Variants in STARD7 observed in about 807,000 individuals in gnomAD.
STARD7 encodes the protein stAR-related lipid transfer protein 7, mitochondrial.
A neutral mutation model predicts 45.3 loss-of-function variants in STARD7; 30 were observed. The ratio of observed to expected loss-of-function variants is 0.66; its 90% CI spans 0.50 to 0.90. The LOEUF (loss-of-function observed/expected upper bound fraction) is 0.90. Ranked by LOEUF, STARD7 falls within the 40% of genes least tolerant of loss-of-function variation. The pLI, the probability that STARD7 is intolerant of heterozygous loss-of-function variation, is 0.00. For synonymous variants in STARD7, 199 were observed against 183.0 expected (o/e 1.09, Z -0.70); for missense variants, 495 against 491.3 (o/e 1.01, Z -0.07).
intron 6 of STARD7, among the ~76,000 whole-genome samples, chr2:96,189,267 T>C (rs1366029045): frequency 6.6e-6 from 1 of 152,150 alleles, no homozygotes; most frequent in Non-Finnish European, 1.5e-5. Flanking sequence ...AAATTTCTAA[T>C]GGCCTTCCTA....
chr2:96,201,409 T>TTAAAAAAAAAA lies in STARD7; in HGVS notation c.291-5861_291-5860insTTTTTTTTTTA, dbSNP rs767370060. ...TGGGCAACATGCAAAACTCCACCTC[T>TTAAAAAAAAAA]AAAAAAAAAAAAAAAAAATTACACA... is the stretch of plus-strand genomic sequence containing the variant. On this transcript the variant is annotated intron_variant, in intron 1 of 7. Coordinates refer to ENST00000337288, the MANE Select transcript of STARD7 (RefSeq NM_020151.4). Among the ~76,000 whole-genome samples, 31 of 109,582 alleles carry TTAAAAAAAAAA rather than the reference T, an allele frequency of 2.8e-4. No individual in the cohort carries two copies. The Admixed American group carries it at 3.2e-3, about 11-fold the overall frequency. The allele number at this position is 109,582 out of a possible 152,430, so 71.9% of individuals were successfully genotyped here.
intron 1 of STARD7, among the ~76,000 whole-genome samples, chr2:96,196,066 T>TTG (rs1683199215): frequency 1.4e-5 from 2 of 141,954 alleles, no homozygotes; most frequent in Non-Finnish European, 3.0e-5. Context: ...TAAGCCGAGA[T>TTG]CACGCCACTG....
chr2:96,188,670 G>C (rs1171520158), intron 6 of STARD7, among the ~76,000 whole-genome samples: 1 of 151,668 alleles, frequency 6.6e-6, no homozygotes, highest in Non-Finnish European at 1.5e-5. Context: ...GATCACCTGA[G>C]GTCAGGAGTT....
chr2:96,196,188 G>A (rs1204704328), intron 1 of STARD7, among the ~76,000 whole-genome samples: 1 of 151,960 alleles, frequency 6.6e-6, no homozygotes, highest in African/African-American at 2.4e-5. Context: ...TCTATGGCCA[G>A]GCACAGAGGC....
In STARD7 at chr2:96,203,689, G is replaced by A. The variant is rs528651443; in HGVS notation, c.290+4456C>T. Among the ~76,000 whole-genome samples the A allele has an allele frequency of 9.2e-5, 14 of 152,306 alleles. No homozygotes were observed. The East Asian group carries it at 1.3e-3, about 15-fold the overall frequency. ...GAAATAAAAGACATAGGAGTCAGGC[G>A]CAGTGGCTTATGCCTGTAATCCCAG... On this transcript the variant is annotated intron_variant, in intron 1 of 7. Transcript: ENST00000337288.
intron 1 of STARD7, among the ~76,000 whole-genome samples, chr2:96,202,309 T>G (rs1683319322): frequency 6.6e-6 from 1 of 152,168 alleles, no homozygotes; most frequent in East Asian, 1.9e-4. Flanking sequence ...CTGCTCTAAG[T>G]AGATTATTCC....
At chr2:96,205,519 T>C (rs909042319) in intron 1 of STARD7, among the ~76,000 whole-genome samples, 5 of 152,170 alleles carry the variant, frequency 3.3e-5, no homozygotes, top group African/African-American at 1.2e-4. Context: ...ATCATGCTCT[T>C]TTTCCATTAA....
intron 1 of STARD7, among the ~76,000 whole-genome samples, chr2:96,203,341 A>G (rs956635393): frequency 4.6e-5 from 7 of 152,274 alleles, no homozygotes; most frequent in African/African-American, 1.4e-4. Context: ...AGCAGATTAG[A>G]AAAAGGATCA....
intron 6 of STARD7, among the ~76,000 whole-genome samples, chr2:96,189,231 G>A (rs1270884024): frequency 1.3e-5 from 2 of 152,166 alleles, no homozygotes; most frequent in South Asian, 2.1e-4. Flanking sequence ...TTACAGGCAT[G>A]AGCTACCGTG....
At chr2:96,189,189 T>C (rs1301094267) in intron 6 of STARD7, among the ~76,000 whole-genome samples, 1 of 152,084 alleles carries the variant, frequency 6.6e-6, no homozygotes, top group African/African-American at 2.4e-5. Context: ...GCTAAAGAGA[T>C]CCTCCTGCCT....
In STARD7 at chr2:96,187,275, G is replaced by C; in HGVS notation, c.870C>G (p.Tyr290Ter). 4 of 1,613,718 alleles carry C rather than the reference G, an allele frequency of 2.5e-6. No individual in the cohort carries two copies. Among genetic ancestry groups the C allele is most frequent in the Non-Finnish European group, 3.4e-6 (4 of 1,179,684 alleles). Reference sequence around the variant, plus strand: ...GAAACACCGTTTGGGGATTGTCACTGTATGTTAGTAAGTAGTCAAAGCCAT... The same window carrying C: ...GAAACACCGTTTGGGGATTGTCACTCTATGTTAGTAAGTAGTCAAAGCCAT... ...DENGFDYLLT[Y>*]SDNPQTVFPR... Residue 290 changes from tyrosine (Y) to a stop codon, truncating the protein, a stop_gained, in exon 7 of 8, where the codon TAC becomes TAG. Transcript: ENST00000337288. LOFTEE classifies it high-confidence loss of function.
Position 96,187,258 on chromosome 2 carries a change from G to A in STARD7, c.887C>T (p.Thr296Met), listed in dbSNP as rs149632619. The stretch of plus-strand genomic sequence containing the variant: ...ACTAACACAGTAGCGAGGAAACACC[G>A]TTTGGGGATTGTCACTGTATGTTAG... ...YLLTYSDNPQ[T>M]VFPRYCVSWM... The change falls in exon 7 of 8, where the codon ACG becomes ATG. Residue 296 changes from threonine (T) to methionine (M), a missense_variant. This residue lies in a region of STARD7 where 213 missense variants were observed against 271.2 expected (regional missense o/e 0.79). Transcript: ENST00000337288. 796 of 1,613,842 alleles carry A rather than the reference G, an allele frequency of 4.9e-4. 1 individual carries two copies. Among genetic ancestry groups the A allele is most frequent in the Non-Finnish European group, 6.5e-4 (765 of 1,179,760 alleles).
chr2:96,189,503 G>A (rs4907230), intron 6 of STARD7, among the ~76,000 whole-genome samples: 37,308 of 151,892 alleles, frequency 0.25, 5,982 homozygotes, highest in Non-Finnish European at 0.32. Context: ...TCAGGAGTTC[G>A]AGACCAGCCT....
In STARD7 at chr2:96,193,340, ACT is replaced by A. The variant is rs757131999; in HGVS notation, c.560_561del (p.Glu187ValfsTer2). On this transcript the variant is annotated frameshift_variant, in exon 4 of 8. Transcript: ENST00000337288. LOFTEE classifies it high-confidence loss of function. ...ACCAGGGCATCCCATTTTTTTCTAT[ACT>A]CTGTGTCCAGCTGCAGAAAGAGAAA... ...RQFFNVQLDT[E>X]YRKKWDALVI... 2 of 1,611,194 alleles carry A rather than the reference ACT, an allele frequency of 1.2e-6. No homozygotes were observed. Among genetic ancestry groups the A allele is most frequent in the Non-Finnish European group, 1.7e-6 (2 of 1,177,408 alleles).
chr2:96,198,301 C>T (rs977922859), intron 1 of STARD7, among the ~76,000 whole-genome samples: 4 of 147,788 alleles, frequency 2.7e-5, no homozygotes, highest in African/African-American at 7.5e-5. Flanking sequence ...CCAGCCTGGG[C>T]GAAAAGACAA....
At chr2:96,190,440 A>T (rs1683108221) in intron 6 of STARD7, among the ~76,000 whole-genome samples, 1 of 146,708 alleles carries the variant, frequency 6.8e-6, no homozygotes, top group African/African-American at 2.5e-5. Context: ...GGTTCAAGCC[A>T]TTCTCTCCTG....
intron 1 of STARD7, among the ~76,000 whole-genome samples, chr2:96,196,492 C>T (rs372309704): frequency 6.6e-6 from 1 of 150,746 alleles, no homozygotes; most frequent in African/African-American, 2.5e-5. Context: ...AACAGAGTCT[C>T]ACTCTGTCAC....
At chr2:96,205,787 G>A (rs1427876960) in intron 1 of STARD7, among the ~76,000 whole-genome samples, 1 of 152,176 alleles carries the variant, frequency 6.6e-6, no homozygotes, top group Non-Finnish European at 1.5e-5. Flanking sequence ...CAACCAAGAT[G>A]TAGTTGTTGA....
chr2:96,204,192 G>A lies in STARD7; in HGVS notation c.290+3953C>T, dbSNP rs1002054992. ...CGAGAATAGCTGGAACCAGGGAGGC[G>A]GAGGCTGCGGTGAGGTGAGATCACA... On this transcript the variant is annotated intron_variant, in intron 1 of 7. Transcript: ENST00000337288. 5.3e-5 allele frequency among the ~76,000 whole-genome samples: 8 copies of A among 152,122 alleles called. No homozygotes were observed. In the East Asian group the frequency reaches 7.7e-4, roughly 15 times the overall value.
Sources: allele counts gnomAD v4.1 joint callset (sites outside exome capture counted in the v4.1 genomes callset), GRCh38; gene constraint gnomAD v4.1.1; regional missense constraint gnomAD v4.1.1; transcripts MANE v1.5; gene names NCBI Gene and HGNC (gene_info 2026-07-23, HGNC 2026-07-21).